RNF13: variants seen among roughly 807,000 people sequenced by gnomAD.
RNF13 encodes the protein E3 ubiquitin-protein ligase RNF13.
A neutral mutation model predicts 37.7 loss-of-function variants in RNF13; 19 were observed. That is an observed-to-expected ratio of 0.50 (90% CI 0.35 to 0.74). The LOEUF is 0.74. Among genes scored for constraint, RNF13 ranks in the 30% least tolerant of loss-of-function variants. RNF13 has a pLI of 0.01. For synonymous variants in RNF13, 144 were observed against 157.8 expected, an observed-to-expected ratio of 0.91 and a Z score of 0.65; for missense variants, 375 against 453.0, an observed-to-expected ratio of 0.83 and a Z score of 1.56.
At chr3:149,892,845 A>G (rs975616866) in intron 4 of RNF13, among the ~76,000 whole-genome samples, 2 of 152,212 alleles carry the variant, frequency 1.3e-5, no homozygotes, top group African/African-American at 4.8e-5. Context: ...TGACATGTAT[A>G]TGTGTAAGTA....
chr3:149,936,146 T>C (rs923471655), intron 8 of RNF13, among the ~76,000 whole-genome samples: 3 of 152,166 alleles, frequency 2.0e-5, no homozygotes, highest in Admixed American at 6.6e-5. Context: ...TTCTTTTTTT[T>C]CTGCTTTTAT....
chr3:149,852,026 CT>C (rs1217884786), intron 2 of RNF13, among the ~76,000 whole-genome samples: 1 of 152,110 alleles, frequency 6.6e-6, no homozygotes, highest in Non-Finnish European at 1.5e-5. Context: ...GTGTTCAACC[CT>C]GGATAAAAAT....
At chr3:149,873,799 T>G (rs1712367189) in intron 4 of RNF13, among the ~76,000 whole-genome samples, 1 of 152,188 alleles carries the variant, frequency 6.6e-6, no homozygotes, top group African/African-American at 2.4e-5. Context: ...TTGTAAATAC[T>G]TCCTTCATTG....
chr3:149,936,136 T>C (rs1299435341), intron 8 of RNF13, among the ~76,000 whole-genome samples: 1 of 152,122 alleles, frequency 6.6e-6, no homozygotes, highest in Non-Finnish European at 1.5e-5. Context: ...TATGTTATGC[T>C]TCTTTTTTTT....
chr3:149,903,595 T>C (rs955266447), intron 6 of RNF13, among the ~76,000 whole-genome samples: 1 of 152,126 alleles, frequency 6.6e-6, no homozygotes, highest in African/African-American at 2.4e-5. Flanking sequence ...GTAACTTGCT[T>C]TATTTACTTA....
chr3:149,869,710 G>C (rs1711792923), intron 3 of RNF13, among the ~76,000 whole-genome samples: 3 of 151,926 alleles, frequency 2.0e-5, no homozygotes, highest in Non-Finnish European at 4.4e-5. Context: ...CTTGTTTCTT[G>C]TGGATGTATG....
intron 3 of RNF13, among the ~76,000 whole-genome samples, chr3:149,860,499 G>A (rs558778084): frequency 6.6e-6 from 1 of 151,778 alleles, no homozygotes; most frequent in East Asian, 1.9e-4. Context: ...TGACAAAGGT[G>A]CCAAGAACAT....
chr3:149,833,420 C>T (rs998809605), intron 1 of RNF13, among the ~76,000 whole-genome samples: 15 of 152,142 alleles, frequency 9.9e-5, no homozygotes, highest in African/African-American at 3.6e-4. Flanking sequence ...AAGCATTATA[C>T]ACATGACCAA....
At chr3:149,832,499 G>A (rs1022844653) in intron 1 of RNF13, among the ~76,000 whole-genome samples, 1 of 152,148 alleles carries the variant, frequency 6.6e-6, no homozygotes, top group African/African-American at 2.4e-5. Context: ...ACAAGTAACT[G>A]TCATTTATCC....
Position 149,960,828 on chromosome 3 carries a change from C to T in RNF13, c.870C>T (p.Gly290=), listed in dbSNP as rs1211424606. 5 of 1,614,024 alleles carry T rather than the reference C, an allele frequency of 3.1e-6. No individual in the cohort carries two copies. The highest frequency in any genetic ancestry group is 3.3e-5 in the Admixed American group (2 of 60,008). The stretch of plus-strand genomic sequence containing the variant: ...AGCAAAAAGTTGTTCCTTCTCAAGG[C>T]GATTCAGACTCTGACACAGACAGTA... ...VCKQKVVPSQ[G]DSDSDTDSSQ... is the part of the protein sequence containing the mutation. The change falls in exon 10 of 10, where the codon GGC becomes GGT. Residue 290 remains glycine, a synonymous_variant. Transcript: ENST00000392894.
intron 1 of RNF13, among the ~76,000 whole-genome samples, chr3:149,838,422 A>G (rs981687208): frequency 2.0e-5 from 3 of 152,238 alleles, no homozygotes; most frequent in African/African-American, 4.8e-5. Flanking sequence ...CCCTGCAGCA[A>G]ACTTTTGACT....
intron 4 of RNF13, among the ~76,000 whole-genome samples, chr3:149,884,092 A>C (rs1327492524): frequency 6.6e-6 from 1 of 152,008 alleles, no homozygotes; most frequent in African/African-American, 2.4e-5. Flanking sequence ...TGCTTTATCT[A>C]GTCTATGATT....
In RNF13 at chr3:149,960,641, CAT is replaced by C. The variant is rs113301889; in HGVS notation, c.782-98_782-97del. ...AAAATAAACTTTCTTCCCGTCCCTA[CAT>C]GATACATACAGAACACTGAATAAAT... On this transcript the variant is annotated intron_variant, in intron 9 of 9. Coordinates refer to ENST00000392894, the MANE Select transcript of RNF13 (RefSeq NM_183381.3). 3,536 of 1,164,798 alleles carry C rather than the reference CAT, an allele frequency of 3.0e-3. 88 individuals carry two copies. The African/African-American group carries it at 0.05, about 16-fold the overall frequency. The allele number at this position is 1,164,798 out of a possible 1,614,324, so 72.2% of individuals were successfully genotyped here.
At chr3:149,825,057 C>T (rs1026268665) in intron 1 of RNF13, among the ~76,000 whole-genome samples, 3 of 151,446 alleles carry the variant, frequency 2.0e-5, no homozygotes, top group African/African-American at 7.3e-5. Context: ...ATCCTGGGCT[C>T]AAGCAATCCT....
intron 7 of RNF13, among the ~76,000 whole-genome samples, chr3:149,913,010 G>A (rs559075504): frequency 1.6e-4 from 24 of 152,054 alleles, no homozygotes; most frequent in African/African-American, 5.8e-4. Context: ...ATATAAAACA[G>A]TCCCACTCTT....
chr3:149,843,177 A>C (rs1722331020), intron 1 of RNF13, among the ~76,000 whole-genome samples: 2 of 152,198 alleles, frequency 1.3e-5, no homozygotes, highest in South Asian at 4.1e-4. Flanking sequence ...TTTACATTGT[A>C]TTAGATATAA....
At chr3:149,918,664 G>A (rs1343285637) in intron 7 of RNF13, among the ~76,000 whole-genome samples, 2 of 151,310 alleles carry the variant, frequency 1.3e-5, no homozygotes. Context: ...GCTGGGACTA[G>A]AGGCGCACAT....
intron 1 of RNF13, among the ~76,000 whole-genome samples, chr3:149,823,375 C>G (rs1247951235): frequency 6.6e-6 from 1 of 151,976 alleles, no homozygotes; most frequent in Non-Finnish European, 1.5e-5. Flanking sequence ...ATAATTTCAC[C>G]TAACACCAAC....
intron 1 of RNF13, among the ~76,000 whole-genome samples, chr3:149,840,503 T>C (rs1213800281): frequency 6.6e-6 from 1 of 152,188 alleles, no homozygotes; most frequent in Admixed American, 6.5e-5. Context: ...TAGATTTTTT[T>C]CTATGTTTTC....
Sources: allele counts gnomAD v4.1 joint callset (sites outside exome capture counted in the v4.1 genomes callset), GRCh38; gene constraint gnomAD v4.1.1; transcripts MANE v1.5; gene names NCBI Gene and HGNC (gene_info 2026-07-23, HGNC 2026-07-21).